The following PCDH17 variants were observed in gnomAD, a reference collection of about 807,000 sequenced individuals.
The protein encoded by PCDH17 is protocadherin-17.
Under a neutral mutation model 67.7 loss-of-function variants are expected in PCDH17, and 21 were observed. The observed-to-expected ratio is 0.31, with a 90% CI of 0.22 to 0.45. The LOEUF (loss-of-function observed/expected upper bound fraction) is 0.45, where lower values mean the gene tolerates loss of function less well. PCDH17 is among the 20% of genes least tolerant of loss of function. The pLI is 1.00. For synonymous variants in PCDH17, 701 were observed against 656.7 expected, an observed-to-expected ratio of 1.07 and a Z score of -1.03; for missense variants, 1,471 against 1,564.8, an observed-to-expected ratio of 0.94 and a Z score of 1.01.
At chr13:57,715,991 C>A (rs955663183) in intron 3 of PCDH17, among the ~76,000 whole-genome samples, 1 of 151,896 alleles carries the variant, frequency 6.6e-6, no homozygotes, top group African/African-American at 2.4e-5. Flanking sequence ...TTAAGACTTT[C>A]TTTAGAAGAA....
chr13:57,631,477 A>C (rs1170236835), upstream of PCDH17, among the ~76,000 whole-genome samples: 1 of 152,196 alleles, frequency 6.6e-6, no homozygotes, highest in African/African-American at 2.4e-5. Flanking sequence ...ACTGGAATTA[A>C]ACTGCTTGGA....
rs1954787081 is a variant in PCDH17, at chr13:57,634,429, T to A, written c.1883T>A (p.Val628Glu). The A allele has an allele frequency of 1.2e-6, 2 of 1,612,716 alleles. No individual in the cohort carries two copies. Among genetic ancestry groups the A allele is most frequent in the Non-Finnish European group, 1.7e-6 (2 of 1,179,924 alleles). Residue 628 changes from valine (V) to glutamate (E), a missense_variant, in exon 1 of 4, where the codon GTG (valine) becomes GAG (glutamate). Transcript: ENST00000377918. The surrounding 1 kb of genome is among the most constrained non-coding windows in gnomAD (Gnocchi z 7.8). ...AGCGGGCGTCTCACCTACGAGATCGTGGACGGCAACGACGACCACCTGTTT... is the reference window on the plus strand; with the variant it reads ...AGCGGGCGTCTCACCTACGAGATCGAGGACGGCAACGACGACCACCTGTTT... ...GESGRLTYEI[V>E]DGNDDHLFEI...
At chr13:57,714,863 A>G (rs1350014026) in intron 3 of PCDH17, among the ~76,000 whole-genome samples, 1 of 151,836 alleles carries the variant, frequency 6.6e-6, no homozygotes. Context: ...GAAGAAAAAA[A>G]CAAAAGAGAA....
chr13:57,648,107 T>C (rs1566220087), intron 1 of PCDH17, among the ~76,000 whole-genome samples: 1 of 151,894 alleles, frequency 6.6e-6, no homozygotes. Context: ...GAGACATCTG[T>C]TATTTAACGA....
In PCDH17 at chr13:57,725,338, G is replaced by C. The variant is rs1219926920; in HGVS notation, c.*44G>C. On this transcript the variant is annotated 3_prime_UTR_variant, in exon 4 of 4. Transcript: ENST00000377918. Reference sequence around the variant, plus strand: ...GCATTGGCATTTTCTTGTCTCTTCTGTTGATTTAAAAATGATCCCTCCTGG... The same window carrying C: ...GCATTGGCATTTTCTTGTCTCTTCTCTTGATTTAAAAATGATCCCTCCTGG... 1 of 1,528,086 alleles carries C rather than the reference G, an allele frequency of 6.5e-7. No homozygotes were observed. Among genetic ancestry groups the C allele is most frequent in the Non-Finnish European group, 8.8e-7 (1 of 1,130,234 alleles). 94.7% of individuals were successfully genotyped at this position (1,528,086 alleles called of 1,614,324 possible).
chr13:57,670,700 T>C (rs1329682788), intron 3 of PCDH17, among the ~76,000 whole-genome samples: 1 of 151,756 alleles, frequency 6.6e-6, no homozygotes, highest in Non-Finnish European at 1.5e-5. Flanking sequence ...TTTCAATACT[T>C]TCTTTGTTAA....
intron 1 of PCDH17, among the ~76,000 whole-genome samples, chr13:57,656,441 C>T (rs1225979855): frequency 1.3e-5 from 2 of 151,856 alleles, no homozygotes; most frequent in African/African-American, 2.4e-5. Flanking sequence ...TAAGTAATAT[C>T]ACCAATTTAT....
chr13:57,724,763 G>C lies in PCDH17; in HGVS notation c.2949G>C (p.Glu983Asp). Reference sequence around the variant, plus strand: ...TACCTACAGTTGAAGCTAATGTTGAGACTGAGACTTACGAAACTGTGAATC... The same window carrying C: ...TACCTACAGTTGAAGCTAATGTTGACACTGAGACTTACGAAACTGTGAATC... Reference protein sequence around the residue: ...LFVPTVEANVETETYETVNPT... With the variant: ...LFVPTVEANVDTETYETVNPT... Residue 983 changes from glutamate to aspartate, a missense_variant, in exon 4 of 4, where the codon GAG (glutamate) becomes GAC (aspartate). Around this residue, in one of 3 missense-constraint regions of PCDH17, gnomAD observed 297 missense variants for 298.6 expected, o/e 0.99. Coordinates refer to ENST00000377918, the MANE Select transcript of PCDH17 (RefSeq NM_001040429.3). The C allele has an allele frequency of 6.2e-7, 1 of 1,614,158 alleles. No homozygotes were observed. The highest frequency in any genetic ancestry group is 1.3e-5 in the African/African-American group (1 of 75,034).
chr13:57,653,210 C>G (rs1175164149), intron 1 of PCDH17, among the ~76,000 whole-genome samples: 2 of 151,922 alleles, frequency 1.3e-5, no homozygotes, highest in Admixed American at 1.3e-4. Context: ...ATAGAACTGG[C>G]TCTGATTATT....
intron 3 of PCDH17, among the ~76,000 whole-genome samples, chr13:57,694,331 ATACCTTGCATACT>A (rs1955586833): frequency 6.6e-6 from 1 of 151,420 alleles, no homozygotes; most frequent in African/African-American, 2.4e-5. Flanking sequence ...TATGTCAGCA[ATACCTTGCATACT>A]TACCATAAAG....
intron 1 of PCDH17, among the ~76,000 whole-genome samples, chr13:57,642,068 TTAATA>T (rs1954913211): frequency 6.6e-6 from 1 of 151,766 alleles, no homozygotes; most frequent in African/African-American, 2.4e-5. Context: ...ATGTTTCTAT[TTAATA>T]TAATAGTGAT....
Position 57,719,518 on chromosome 13 carries a change from G to A in PCDH17, c.2798-5094G>A, listed in dbSNP as rs185345065. On this transcript the variant is annotated intron_variant, in intron 3 of 3. Coordinates refer to ENST00000377918, the MANE Select transcript of PCDH17 (RefSeq NM_001040429.3). ...CTCCTGTGCTGCAAACTATATGTAC[G>A]TTTTCAGGTGTACAAATATGTAAGT... Among the ~76,000 whole-genome samples the A allele has an allele frequency of 2.2e-4, 34 of 152,136 alleles. No individual in the cohort carries two copies. The South Asian group carries it at 5.0e-3, about 22-fold the overall frequency.
In PCDH17 at chr13:57,639,000, A is replaced by T. The variant is rs953231830; in HGVS notation, c.2565+3889A>T. ...TGAACAATTTATTTTGGTATTTATA[A>T]TTTTGGAGATATTTTGCTATGATTT... On this transcript the variant is annotated intron_variant, in intron 1 of 3. Coordinates refer to ENST00000377918, the MANE Select transcript of PCDH17 (RefSeq NM_001040429.3). 2.6e-5 allele frequency among the ~76,000 whole-genome samples: 4 copies of T among 151,958 alleles called. No homozygotes were observed. The East Asian group carries it at 5.8e-4, about 22-fold the overall frequency.
chr13:57,630,111 C>A (rs1288456521), upstream of PCDH17, among the ~76,000 whole-genome samples: 2 of 152,198 alleles, frequency 1.3e-5, no homozygotes, highest in Non-Finnish European at 2.9e-5. Context: ...TAGAGTCAGT[C>A]AGCAAGAGAC....
chr13:57,691,539 G>GT (rs1955559282), intron 3 of PCDH17, among the ~76,000 whole-genome samples: 1 of 151,170 alleles, frequency 6.6e-6, no homozygotes, highest in African/African-American at 2.4e-5. Context: ...TGCCTCTTTT[G>GT]TGATTATTTT....
chr13:57,725,524 G>A lies in PCDH17; in HGVS notation c.*230G>A, dbSNP rs1038615087. 4 of 438,624 alleles carry A rather than the reference G, an allele frequency of 9.1e-6. No individual in the cohort carries two copies. The highest frequency in any genetic ancestry group is 6.0e-5 in the African/African-American group (3 of 49,848). The allele number at this position is 438,624 out of a possible 1,614,324, so 27.2% of individuals were successfully genotyped here. A position where few individuals can be genotyped will look rare whatever the true frequency, so the allele number is the denominator to read the frequency against. On this transcript the variant is annotated 3_prime_UTR_variant, in exon 4 of 4. Coordinates refer to ENST00000377918, the MANE Select transcript of PCDH17 (RefSeq NM_001040429.3). ...AAACTTGTATTAGGACAGAATTAATGATGCTTAAAGAGAAAAGAAAAAAAG... is the reference window on the plus strand; with the variant it reads ...AAACTTGTATTAGGACAGAATTAATAATGCTTAAAGAGAAAAGAAAAAAAG...
At chr13:57,698,231 A>G (rs1177538362) in intron 3 of PCDH17, among the ~76,000 whole-genome samples, 1 of 151,530 alleles carries the variant, frequency 6.6e-6, no homozygotes, top group Non-Finnish European at 1.5e-5. Flanking sequence ...ATATAAAGAT[A>G]TATACATATA....
chr13:57,631,758 C>G lies in PCDH17; in HGVS notation c.-789C>G, dbSNP rs1034390481. On this transcript the variant is annotated 5_prime_UTR_variant, in exon 1 of 4. Transcript: ENST00000377918. ...TTCTTTACGCTGCATTTCCTCCCCT[C>G]CCTTTGGCTGCTCGGAAAGGAGAGA... 9 of 140,184 alleles carry G rather than the reference C, an allele frequency of 6.4e-5. No homozygotes were observed. Among genetic ancestry groups the G allele is most frequent in the Non-Finnish European group, 1.2e-4 (8 of 65,654 alleles). The allele number at this position is 140,184 out of a possible 1,614,324, so 8.7% of individuals were successfully genotyped here.
intron 3 of PCDH17, among the ~76,000 whole-genome samples, chr13:57,713,269 C>A (rs1955791867): frequency 6.6e-6 from 1 of 151,654 alleles, no homozygotes; most frequent in Admixed American, 6.6e-5. Flanking sequence ...AGAAACATTT[C>A]TGTATATTTA....
Sources: gnomAD v4.1 joint callset for allele counts (sites outside exome capture counted in the v4.1 genomes callset) on GRCh38, gnomAD v4.1.1 for gene constraint, gnomAD v4.1.1 regional missense constraint, Gnocchi (gnomAD v3.1) non-coding constraint, MANE v1.5 for transcripts, NCBI Gene and HGNC (gene_info 2026-07-23, HGNC 2026-07-21) for gene names.